PGCKA1: variants seen among roughly 807,000 people sequenced by gnomAD.
The protein encoded by PGCKA1 is PDCD10 and GCKIII kinases associated 1.
the PGCKA1 span, among the ~76,000 whole-genome samples, chr4:37,524,844 G>A: frequency 6.6e-6 from 1 of 152,184 alleles, no homozygotes; most frequent in Non-Finnish European, 1.5e-5. Flanking sequence ...GGCCAAAGCG[G>A]TAATCACTTA....
the PGCKA1 span, among the ~76,000 whole-genome samples, chr4:37,581,992 G>A: frequency 6.6e-6 from 1 of 152,138 alleles, no homozygotes; most frequent in African/African-American, 2.4e-5. This position sits in a 1 kb window ranked among gnomAD's most constrained non-coding sequence, Gnocchi z 4.4. Flanking sequence ...AGGCTGGGGG[G>A]TCGTGGCTTA....
At chr4:37,583,441 GTTTTTT>G in the PGCKA1 span, among the ~76,000 whole-genome samples, 1,498 of 146,250 alleles carry the variant, frequency 0.01, 13 homozygotes, top group South Asian at 0.025. Context: ...TTTTGTTTTT[GTTTTTT>G]TTTTTTTGAG....
At chr4:37,549,203 T>C in the PGCKA1 span, among the ~76,000 whole-genome samples, 2 of 152,242 alleles carry the variant, frequency 1.3e-5, no homozygotes, top group Non-Finnish European at 2.9e-5. Flanking sequence ...TATCAATTAG[T>C]CAGCCCTTGT....
the PGCKA1 span, among the ~76,000 whole-genome samples, chr4:37,471,634 T>C: frequency 1.3e-5 from 2 of 152,136 alleles, no homozygotes; most frequent in Admixed American, 1.3e-4. Context: ...ATTTAAATTG[T>C]GGAACAACAA....
At chr4:37,579,817 C>T in the PGCKA1 span, among the ~76,000 whole-genome samples, 1 of 152,044 alleles carries the variant, frequency 6.6e-6, no homozygotes, top group African/African-American at 2.4e-5. Context: ...TGATATATTT[C>T]TCTAGGTTTG....
chr4:37,490,350 C>G, the PGCKA1 span, among the ~76,000 whole-genome samples: 1 of 152,026 alleles, frequency 6.6e-6, no homozygotes, highest in Non-Finnish European at 1.5e-5. Context: ...ATGTAGAGAC[C>G]CCTTCCCCTA....
the PGCKA1 span, among the ~76,000 whole-genome samples, chr4:37,512,717 G>A: frequency 2.0e-5 from 3 of 151,968 alleles, no homozygotes; most frequent in African/African-American, 7.2e-5. Context: ...GCCTTCCTAA[G>A]TGCTGGGATT....
At chr4:37,588,949 T>C in the PGCKA1 span, 1 of 1,414,224 alleles carries the variant, frequency 7.1e-7, no homozygotes, top group Non-Finnish European at 1.0e-6. Context: ...GTGATGAGCG[T>C]GGGGTCACTT....
At chr4:37,587,769 G>C in the PGCKA1 span, among the ~76,000 whole-genome samples, 17 of 152,112 alleles carry the variant, frequency 1.1e-4, no homozygotes, top group African/African-American at 4.1e-4. Context: ...AGGAGTTTGA[G>C]ACCAGCATGG....
At chr4:37,469,860 G>A in the PGCKA1 span, among the ~76,000 whole-genome samples, 2 of 152,176 alleles carry the variant, frequency 1.3e-5, no homozygotes, top group South Asian at 4.1e-4. Flanking sequence ...TCCATAACTT[G>A]ACCCTTCCAT....
the PGCKA1 span, among the ~76,000 whole-genome samples, chr4:37,549,245 G>A: frequency 6.6e-6 from 1 of 152,200 alleles, no homozygotes; most frequent in Non-Finnish European, 1.5e-5. Flanking sequence ...GTAGTATTGT[G>A]GTGGACCTTT....
At chr4:37,566,137 T>C in the PGCKA1 span, among the ~76,000 whole-genome samples, 1 of 152,178 alleles carries the variant, frequency 6.6e-6, no homozygotes, top group African/African-American at 2.4e-5. Context: ...ATCCTGTTAG[T>C]TCTGTCCCTC....
chr4:37,579,267 A>G, the PGCKA1 span, among the ~76,000 whole-genome samples: 165 of 152,244 alleles, frequency 1.1e-3, 2 homozygotes, highest in East Asian at 0.026. Flanking sequence ...TGATTGGTTC[A>G]TCTTTTAGTC....
At chr4:37,495,523 C>T in the PGCKA1 span, among the ~76,000 whole-genome samples, 13 of 152,094 alleles carry the variant, frequency 8.5e-5, no homozygotes, top group African/African-American at 2.2e-4. Flanking sequence ...TGGAATACTA[C>T]GCAGCCCTAA....
At chr4:37,588,948 G>C in the PGCKA1 span, 3 of 1,449,416 alleles carry the variant, frequency 2.1e-6, no homozygotes, top group East Asian at 6.8e-5. Context: ...TGTGATGAGC[G>C]TGGGGTCACT....
At chr4:37,462,451 G>A in the PGCKA1 span, among the ~76,000 whole-genome samples, 1 of 152,134 alleles carries the variant, frequency 6.6e-6, no homozygotes, top group Admixed American at 6.5e-5. Flanking sequence ...GTTTACTTTG[G>A]TTTGACTTTT....
the PGCKA1 span, among the ~76,000 whole-genome samples, chr4:37,495,539 A>G: frequency 3.3e-4 from 50 of 152,340 alleles, no homozygotes; most frequent in Middle Eastern, 0.02. Flanking sequence ...CCTAAAAAAG[A>G]TGAGTTCATG....
the PGCKA1 span, among the ~76,000 whole-genome samples, chr4:37,490,117 G>A: frequency 1.1e-4 from 16 of 152,136 alleles, no homozygotes; most frequent in Admixed American, 2.0e-4. Context: ...TTTTAGAGAA[G>A]GTAATTGAAA....
At chr4:37,573,332 A>G in the PGCKA1 span, among the ~76,000 whole-genome samples, 1 of 152,226 alleles carries the variant, frequency 6.6e-6, no homozygotes, top group Non-Finnish European at 1.5e-5. Flanking sequence ...AACCCTAAGA[A>G]GAAGCATTAT....
Sources: gnomAD v4.1 joint callset for allele counts (sites outside exome capture counted in the v4.1 genomes callset) on GRCh38, gnomAD v4.1.1 for gene constraint, Gnocchi (gnomAD v3.1) non-coding constraint, MANE v1.5 for transcripts, NCBI Gene and HGNC (gene_info 2026-07-23, HGNC 2026-07-21) for gene names.